CEP63: variants seen among roughly 807,000 people sequenced by gnomAD.
CEP63 encodes the protein centrosomal protein of 63 kDa.
Under a neutral mutation model 89.1 loss-of-function variants are expected in CEP63, and 84 were observed. The ratio of observed to expected loss-of-function variants is 0.94; its 90% CI spans 0.79 to 1.13. CEP63 has a LOEUF of 1.13. CEP63 is among the 50% of genes most tolerant of loss of function. The pLI is 0.00. For synonymous variants in CEP63, 267 were observed against 272.5 expected (o/e 0.98, Z 0.20); for missense variants, 838 against 813.3 (o/e 1.03, Z -0.37).
the CEP63 span, among the ~76,000 whole-genome samples, chr3:134,763,082 CT>C: frequency 1.3e-4 from 19 of 151,872 alleles, no homozygotes; most frequent in Non-Finnish European, 2.1e-4. Context: ...TTCTCTCTCT[CT>C]TTTTTTTAAA....
At chr3:134,547,614 CTTT>C (rs62656962) in intron 9 of CEP63, 142 bp downstream of exon 9, 123,934 of 279,720 alleles carry the variant, frequency 0.44, 18,691 homozygotes, top group Non-Finnish European at 0.45. Context: ...GTTCTTATTT[CTTT>C]TTTTTTTTTT....
chr3:134,552,071 T>A (rs2109884132), intron 12 of CEP63, 59 bp downstream of exon 12: 1 of 902,870 alleles, frequency 1.1e-6, no homozygotes, highest in Non-Finnish European at 1.8e-6. Flanking sequence ...AATTACTTTG[T>A]AAATATTTAC....
At chr3:134,529,245 ACATT>A (rs1949358427) in intron 3 of CEP63, among the ~76,000 whole-genome samples, 2 of 152,102 alleles carry the variant, frequency 1.3e-5, no homozygotes, top group Non-Finnish European at 1.5e-5. Context: ...TTTATTATGT[ACATT>A]CATTCATTAT....
intron 3 of CEP63, among the ~76,000 whole-genome samples, chr3:134,509,693 A>G (rs1040554007): frequency 7.2e-5 from 11 of 152,208 alleles, no homozygotes; most frequent in Non-Finnish European, 1.3e-4. Flanking sequence ...GATCTGTTCC[A>G]AGACACACAG....
chr3:134,545,901 TAC>T, intron 7 of CEP63, 82 bp downstream of exon 7: 1 of 1,037,110 alleles, frequency 9.6e-7, no homozygotes, highest in Non-Finnish European at 1.4e-6. Context: ...AACTAGGTTC[TAC>T]AATCCATACT....
chr3:134,494,156 C>T (rs935787725), intron 1 of CEP63, among the ~76,000 whole-genome samples: 1 of 151,638 alleles, frequency 6.6e-6, no homozygotes, highest in Non-Finnish European at 1.5e-5. Context: ...CTGTCTGCCA[C>T]CCAGGCTGTA....
At chr3:134,650,288 C>T in the CEP63 span, among the ~76,000 whole-genome samples, 4 of 152,214 alleles carry the variant, frequency 2.6e-5, no homozygotes, top group Non-Finnish European at 4.4e-5. Flanking sequence ...GTTCCTTTTA[C>T]GCCTTTCATG....
At chr3:134,673,208 G>C in the CEP63 span, among the ~76,000 whole-genome samples, 1 of 152,122 alleles carries the variant, frequency 6.6e-6, no homozygotes, top group African/African-American at 2.4e-5. Context: ...CCTCGTCCCA[G>C]AACCCCTGAC....
At chr3:134,675,289 A>G in the CEP63 span, among the ~76,000 whole-genome samples, 2 of 152,226 alleles carry the variant, frequency 1.3e-5, no homozygotes, top group African/African-American at 4.8e-5. Flanking sequence ...GGAAAGAGTA[A>G]TATTTTCAAC....
At chr3:134,678,793 T>C in the CEP63 span, among the ~76,000 whole-genome samples, 2 of 152,164 alleles carry the variant, frequency 1.3e-5, no homozygotes, top group African/African-American at 2.4e-5. Flanking sequence ...TCTGCCTGCA[T>C]CCCATGCTGA....
chr3:134,532,642 G>T (rs1202170325), intron 4 of CEP63, 136 bp from the exon 5 acceptor site: 5 of 613,472 alleles, frequency 8.2e-6, no homozygotes, highest in Non-Finnish European at 1.4e-5. Flanking sequence ...GTTTCCTTTT[G>T]TGTTTTAGTT....
chr3:134,559,176 A>G lies in CEP63; in HGVS notation c.1700A>G (p.Asp567Gly), dbSNP rs1455930465. 17 of 1,614,090 alleles carry G rather than the reference A, an allele frequency of 1.1e-5. No individual in the cohort carries two copies. The highest frequency in any genetic ancestry group is 1.7e-4 in the Middle Eastern group (1 of 6,060). The change falls in exon 14 of 15, where the codon GAT becomes GGT. Residue 567 changes from aspartate to glycine, a missense_variant. Physicochemically the swap from Asp to Gly is moderately conservative, Grantham distance 94. Transcript: ENST00000675561. The stretch of plus-strand genomic sequence containing the variant: ...CCAACCCATGGCCAGCACAGACATG[A>G]TGGAATAAAGACTGAGCACTACAAA... The part of the protein sequence containing the change: ...FKPTHGQHRH[D>G]GIKTEHYKTD...
chr3:134,634,865 G>A, the CEP63 span, among the ~76,000 whole-genome samples: 1 of 152,218 alleles, frequency 6.6e-6, no homozygotes, highest in Non-Finnish European at 1.5e-5. Context: ...CATGTATACT[G>A]AGGGGTGACT....
chr3:134,540,639 AATG>A (rs1184830827), intron 6 of CEP63, among the ~76,000 whole-genome samples: 1 of 152,126 alleles, frequency 6.6e-6, no homozygotes, highest in African/African-American at 2.4e-5. Flanking sequence ...GGTGAAAAAA[AATG>A]ATACCATTGT....
the CEP63 span, chr3:134,629,829 T>C: frequency 1.6e-6 from 1 of 630,714 alleles, no homozygotes; most frequent in Admixed American, 2.7e-5. Flanking sequence ...TCCTTGTTTT[T>C]TTCTTTAAAT....
intron 10 of CEP63, among the ~76,000 whole-genome samples, chr3:134,586,659 A>G (rs1958491774): frequency 6.6e-6 from 1 of 151,828 alleles, no homozygotes; most frequent in African/African-American, 2.4e-5. Flanking sequence ...GAATCTGACA[A>G]TTATTGGTCT....
the CEP63 span, chr3:134,615,349 C>CTTTTTT: frequency 5.2e-5 from 5 of 96,152 alleles, no homozygotes; most frequent in Admixed American, 1.2e-4. Context: ...GTTCAAGAAG[C>CTTTTTT]TTTTTTTTTT....
At chr3:134,710,617 G>GC in the CEP63 span, among the ~76,000 whole-genome samples, 1 of 152,036 alleles carries the variant, frequency 6.6e-6, no homozygotes, top group African/African-American at 2.4e-5. Context: ...CTAAAGAGCT[G>GC]CCACTGCTTT....
the CEP63 span, among the ~76,000 whole-genome samples, chr3:134,624,372 T>A: frequency 4.0e-3 from 610 of 152,330 alleles, 2 homozygotes; most frequent in Non-Finnish European, 6.8e-3. Flanking sequence ...GCACTCACCA[T>A]CCACTCATTA....
Sources: allele counts gnomAD v4.1 joint callset (sites outside exome capture counted in the v4.1 genomes callset), GRCh38; gene constraint gnomAD v4.1.1; transcripts MANE v1.5; gene names NCBI Gene and HGNC (gene_info 2026-07-23, HGNC 2026-07-21).